The following CSMD2 variants were observed in gnomAD, a reference collection of about 807,000 sequenced individuals.
CSMD2 encodes the protein CUB and sushi domain-containing protein 2.
In CSMD2, 130 loss-of-function variants were observed where a neutral mutation model predicts 398.5. That is an observed-to-expected ratio of 0.33 (90% CI 0.28 to 0.38). The LOEUF is 0.38. Ranked by LOEUF, CSMD2 falls within the 10% of genes least tolerant of loss-of-function variation. The pLI, the probability that CSMD2 is intolerant of heterozygous loss-of-function variation, is 1.00. For missense variants in CSMD2, 3,829 were observed against 4,764.9 expected, an observed-to-expected ratio of 0.80 and a Z score of 5.78; for synonymous variants, 1,828 against 1,908.5, an observed-to-expected ratio of 0.96 and a Z score of 1.10.
At chr1:33,666,245 C>A (rs1226614664) in intron 25 of CSMD2, among the ~76,000 whole-genome samples, 1 of 152,112 alleles carries the variant, frequency 6.6e-6, no homozygotes, top group Non-Finnish European at 1.5e-5. Context: ...TTTATGGTTA[C>A]CAAGTCCCAA....
chr1:33,924,442 T>C (rs981682968), intron 4 of CSMD2, among the ~76,000 whole-genome samples: 2 of 152,228 alleles, frequency 1.3e-5, no homozygotes, highest in African/African-American at 4.8e-5. Flanking sequence ...ATTTATCTAA[T>C]GGTGTGCACT....
intron 2 of CSMD2, among the ~76,000 whole-genome samples, chr1:34,054,943 T>A (rs1472998227): frequency 6.6e-6 from 1 of 152,154 alleles, no homozygotes; most frequent in African/African-American, 2.4e-5. Context: ...TTCTAAGTCA[T>A]TTTCAAAAAT....
At chr1:34,041,396 GA>G (rs1651825960) in intron 2 of CSMD2, among the ~76,000 whole-genome samples, 1 of 152,218 alleles carries the variant, frequency 6.6e-6, no homozygotes, top group Admixed American at 6.5e-5. Context: ...AACAGTGGCT[GA>G]AGTGAAATTC....
chr1:34,072,712 G>A (rs1464930170), intron 2 of CSMD2, among the ~76,000 whole-genome samples: 1 of 152,156 alleles, frequency 6.6e-6, no homozygotes, highest in Non-Finnish European at 1.5e-5. Flanking sequence ...TTTTGACCTT[G>A]AACCACAGGG....
intron 36 of CSMD2, among the ~76,000 whole-genome samples, chr1:33,623,163 G>A (rs372704412): frequency 6.6e-6 from 1 of 152,176 alleles, no homozygotes; most frequent in East Asian, 1.9e-4. Flanking sequence ...GTTTATTTTG[G>A]GGTGGTCAAA....
In CSMD2 at chr1:33,835,236, A is replaced by C. The variant is rs1660073967; in HGVS notation, c.1034-9462T>G. Among the ~76,000 whole-genome samples the C allele has an allele frequency of 3.9e-5, 2 of 50,680 alleles. 1 individual carries two copies. Among genetic ancestry groups the C allele is most frequent in the Non-Finnish European group, 5.9e-5 (2 of 33,702 alleles). The allele number at this position is 50,680 out of a possible 152,430, so 33.2% of individuals were successfully genotyped here. ...ATTGCGGCATTATTCACAATAGCAA[A>C]GACTTGGAACCAACCCAAGTGTCCA... is the stretch of plus-strand genomic sequence containing the variant. On this transcript the variant is annotated intron_variant, in intron 6 of 70. Transcript: ENST00000373381.
chr1:34,164,769 G>A lies in CSMD2; in HGVS notation c.187+142C>T. ...GGGAGACGGAGGCAGGGATGAGAAT[G>A]AGAGTAGGCAACTGGGAGGGTGGGA... On this transcript the variant is annotated intron_variant, in intron 1 of 70. Coordinates refer to ENST00000373381, the MANE Select transcript of CSMD2 (RefSeq NM_001281956.2). The surrounding 1 kb of genome is among the most constrained non-coding windows in gnomAD (Gnocchi z 6.2). The A allele has an allele frequency of 1.4e-6, 1 of 713,566 alleles. No individual in the cohort carries two copies. 44.2% of individuals were successfully genotyped at this position (713,566 alleles called of 1,614,324 possible).
intron 10 of CSMD2, among the ~76,000 whole-genome samples, chr1:33,799,452 T>G (rs1655336892): frequency 6.6e-6 from 1 of 152,166 alleles, no homozygotes; most frequent in Admixed American, 6.5e-5. Flanking sequence ...TCCATTTTGA[T>G]CTAGTTCATA....
chr1:33,719,443 C>T (rs568474393), intron 19 of CSMD2, among the ~76,000 whole-genome samples: 1 of 152,272 alleles, frequency 6.6e-6, no homozygotes, highest in East Asian at 1.9e-4. Context: ...TCTGGGTTTC[C>T]CAGCTGCGCT....
chr1:33,990,941 G>A (rs777366006), intron 3 of CSMD2, among the ~76,000 whole-genome samples: 3 of 151,608 alleles, frequency 2.0e-5, no homozygotes, highest in African/African-American at 4.9e-5. Context: ...ATAGAATATC[G>A]TATGGGACAT....
intron 3 of CSMD2, among the ~76,000 whole-genome samples, chr1:33,979,114 T>C (rs901651805): frequency 6.6e-6 from 1 of 152,178 alleles, no homozygotes; most frequent in Non-Finnish European, 1.5e-5. Context: ...CCATCTGACA[T>C]GCTCCTGTCT....
At chr1:33,663,379 TCTC>T (rs1260514504) in intron 25 of CSMD2, among the ~76,000 whole-genome samples, 1 of 151,778 alleles carries the variant, frequency 6.6e-6, no homozygotes, top group Non-Finnish European at 1.5e-5. Flanking sequence ...ACTGCATCCC[TCTC>T]CTCAACCTTA....
chr1:33,675,032 C>T (rs1644653028), intron 25 of CSMD2, among the ~76,000 whole-genome samples: 1 of 152,172 alleles, frequency 6.6e-6, no homozygotes, highest in Non-Finnish European at 1.5e-5. Context: ...GACATCCTAA[C>T]ATCACAATTA....
chr1:34,049,105 T>C (rs912631710), intron 2 of CSMD2, among the ~76,000 whole-genome samples: 10 of 152,080 alleles, frequency 6.6e-5, no homozygotes, highest in African/African-American at 2.2e-4. Flanking sequence ...AGCTGTGAAG[T>C]GTGAAACGTG....
In CSMD2 at chr1:33,542,890, G is replaced by C. The variant is rs376859454; in HGVS notation, c.9107C>G (p.Ser3036Cys). The change falls in exon 58 of 71, where the codon TCT (serine) becomes TGT (cysteine). Residue 3036 changes from serine (S) to cysteine (C), a missense_variant. By Grantham distance (112) the Ser-to-Cys change is moderately radical. Around this residue, in one of 5 missense-constraint regions of CSMD2, gnomAD observed 917 missense variants for 1,199.5 expected, o/e 0.76. Transcript: ENST00000373381. ...ACTTGGAGTCCCAGGGTTCCCACAA[G>C]AGATCACTAGGAAGACAAAAATACA... ...SGSQPECGVISCGNPGTPSNA... is the reference protein window; with the variant it reads ...SGSQPECGVICCGNPGTPSNA... The C allele has an allele frequency of 6.2e-7, 1 of 1,613,882 alleles. No individual in the cohort carries two copies. The highest frequency in any genetic ancestry group is 1.3e-5 in the African/African-American group (1 of 74,926).
chr1:33,700,422 ATTC>A (rs1645572574), intron 23 of CSMD2, 92 bp downstream of exon 23: 1 of 1,374,386 alleles, frequency 7.3e-7, no homozygotes, highest in Non-Finnish European at 1.0e-6. Context: ...TTAAGAGCAC[ATTC>A]TTTGTATCTC....
At chr1:33,531,342 A>C (rs1570634405) in intron 64 of CSMD2, among the ~76,000 whole-genome samples, 1 of 152,344 alleles carries the variant, frequency 6.6e-6, no homozygotes, top group South Asian at 2.1e-4. Context: ...AGGATGGACA[A>C]GTGTGGGGAA....
At chr1:33,960,559 G>T (rs1468003916) in intron 3 of CSMD2, among the ~76,000 whole-genome samples, 5 of 152,214 alleles carry the variant, frequency 3.3e-5, no homozygotes, top group Admixed American at 3.3e-4. Context: ...ATGGTGTTGT[G>T]GGGGAGACAG....
chr1:34,128,313 C>T (rs1290436468), intron 1 of CSMD2, among the ~76,000 whole-genome samples: 5 of 152,188 alleles, frequency 3.3e-5, no homozygotes, highest in African/African-American at 1.2e-4. Flanking sequence ...CGGAAAACCT[C>T]TCCGGCTCAA....
Sources: gnomAD v4.1 joint callset for allele counts (sites outside exome capture counted in the v4.1 genomes callset) on GRCh38, gnomAD v4.1.1 for gene constraint, gnomAD v4.1.1 regional missense constraint, Gnocchi (gnomAD v3.1) non-coding constraint, MANE v1.5 for transcripts, NCBI Gene and HGNC (gene_info 2026-07-23, HGNC 2026-07-21) for gene names.